LY6S: variants seen among roughly 807,000 people sequenced by gnomAD.
The protein encoded by LY6S is lymphocyte antigen 6 family member S, also known as lymphocyte antigen 6S.
chr8:143,069,911 C>A, the LY6S span, among the ~76,000 whole-genome samples: 1 of 152,298 alleles, frequency 6.6e-6, no homozygotes, highest in African/African-American at 2.4e-5. Context: ...GATGTTACAG[C>A]GGCCGCACCC....
the LY6S span, chr8:143,042,168 C>G: frequency 1.3e-5 from 2 of 153,082 alleles, 1 homozygote; most frequent in Non-Finnish European, 2.9e-5. Flanking sequence ...CTGAGATGAC[C>G]GTCCACCCAG....
chr8:143,050,347 ATT>A, the LY6S span, among the ~76,000 whole-genome samples: 3 of 151,830 alleles, frequency 2.0e-5, no homozygotes, highest in Non-Finnish European at 4.4e-5. Context: ...CGTCTGGCTA[ATT>A]TTTGTATTTT....
At chr8:143,073,932 G>C in the LY6S span, among the ~76,000 whole-genome samples, 3 of 146,094 alleles carry the variant, frequency 2.1e-5, no homozygotes, top group South Asian at 4.5e-4. Flanking sequence ...TGAGGAGACA[G>C]CCGTCGTCCC....
At chr8:143,064,926 G>A in the LY6S span, among the ~76,000 whole-genome samples, 1 of 152,194 alleles carries the variant, frequency 6.6e-6, no homozygotes, top group East Asian at 1.9e-4. Context: ...TAATGTCCCA[G>A]AGAGCCTGCT....
the LY6S span, chr8:143,044,928 C>A: frequency 2.0e-6 from 2 of 981,690 alleles, no homozygotes. Context: ...GCCACCTGGA[C>A]CTTTGCAATA....
chr8:143,058,015 GAAGA>G, the LY6S span, among the ~76,000 whole-genome samples: 1 of 152,164 alleles, frequency 6.6e-6, no homozygotes, highest in Non-Finnish European at 1.5e-5. Context: ...GTCAAATTGA[GAAGA>G]AAGAAAGTGG....
At chr8:143,040,902 G>A in the LY6S span, among the ~76,000 whole-genome samples, 9 of 152,146 alleles carry the variant, frequency 5.9e-5, no homozygotes, top group Non-Finnish European at 1.2e-4. Flanking sequence ...GATGCCCCCT[G>A]AGCCGTAAAA....
the LY6S span, among the ~76,000 whole-genome samples, chr8:143,070,463 T>A: frequency 1.3e-3 from 51 of 39,266 alleles, 3 homozygotes; most frequent in East Asian, 5.0e-3. Flanking sequence ...TATATATATA[T>A]AATATATATA....
the LY6S span, among the ~76,000 whole-genome samples, chr8:143,072,976 G>C: frequency 9.6e-6 from 1 of 103,790 alleles, no homozygotes; most frequent in African/African-American, 3.0e-5. Context: ...TGTTTGAGGA[G>C]ACAGCCGTCG....
the LY6S span, among the ~76,000 whole-genome samples, chr8:143,048,243 A>G: frequency 6.6e-6 from 1 of 152,148 alleles, no homozygotes. Flanking sequence ...TTCTGTGGAT[A>G]TATGTGCTGC....
At chr8:143,062,822 T>TGAC in the LY6S span, among the ~76,000 whole-genome samples, 5 of 152,164 alleles carry the variant, frequency 3.3e-5, no homozygotes, top group African/African-American at 1.2e-4. Flanking sequence ...ATGATGATGA[T>TGAC]GATGATGATG....
the LY6S span, among the ~76,000 whole-genome samples, chr8:143,056,149 G>A: frequency 1.3e-5 from 2 of 148,212 alleles, no homozygotes; most frequent in African/African-American, 2.5e-5. Flanking sequence ...TCTGTTTTTG[G>A]TGGTGGGGGT....
chr8:143,048,829 C>T, the LY6S span, among the ~76,000 whole-genome samples: 26 of 152,276 alleles, frequency 1.7e-4, no homozygotes, highest in East Asian at 4.3e-3. Flanking sequence ...TATGCATTTT[C>T]CACCTCCTTC....
the LY6S span, chr8:143,043,118 C>T: frequency 2.9e-6 from 4 of 1,367,332 alleles, no homozygotes; most frequent in Non-Finnish European, 3.9e-6. Flanking sequence ...GCGGGAAAGG[C>T]CCTCACAGCA....
chr8:143,056,179 T>C, the LY6S span, among the ~76,000 whole-genome samples: 1 of 147,634 alleles, frequency 6.8e-6, no homozygotes, highest in African/African-American at 2.5e-5. Context: ...ACTTGTTATT[T>C]ATCAGGGTAG....
the LY6S span, among the ~76,000 whole-genome samples, chr8:143,067,605 G>A: frequency 1.3e-5 from 2 of 152,318 alleles, no homozygotes; most frequent in East Asian, 1.9e-4. Flanking sequence ...GCGAGGACCC[G>A]CGTCGGCGCT....
the LY6S span, among the ~76,000 whole-genome samples, chr8:143,048,629 G>A: frequency 9.9e-5 from 15 of 151,916 alleles, no homozygotes; most frequent in East Asian, 2.7e-3. Context: ...CACCACGCCC[G>A]GCTAATTTTT....
chr8:143,058,595 T>A, the LY6S span, among the ~76,000 whole-genome samples: 2 of 152,220 alleles, frequency 1.3e-5, no homozygotes, highest in Non-Finnish European at 2.9e-5. Context: ...AAGCACAGCA[T>A]CACAGGGAGA....
the LY6S span, chr8:143,049,365 GA>G: frequency 6.0e-6 from 3 of 496,218 alleles, no homozygotes; most frequent in Middle Eastern, 9.8e-4. Flanking sequence ...AGCTGACAAT[GA>G]AAAGTGGTCA....
Sources: allele counts gnomAD v4.1 joint callset (sites outside exome capture counted in the v4.1 genomes callset), GRCh38; gene constraint gnomAD v4.1.1; transcripts MANE v1.5; gene names NCBI Gene and HGNC (gene_info 2026-07-23, HGNC 2026-07-21).